The following MYO3A variants were observed in gnomAD, a reference collection of about 807,000 sequenced individuals.
MYO3A encodes the protein myosin IIIA, also known as myosin-IIIa.
MYO3A carries 180 observed loss-of-function variants against 192.7 expected under a neutral mutation model. The observed-to-expected ratio is 0.93, with a 90% confidence interval of 0.83 to 1.06. The LOEUF is 1.06. MYO3A is among the 50% of genes least tolerant of loss of function. The probability of loss-of-function intolerance (pLI) is 0.00; values close to 1 mark genes in which losing one functional copy is unlikely to be tolerated. For synonymous variants in MYO3A, 628 were observed against 645.3 expected (o/e 0.97, Z 0.41); for missense variants, 1,896 against 1,905.0 (o/e 1.00, Z 0.09).
At chr10:25,944,396 A>G (rs1417708819) in intron 2 of MYO3A, among the ~76,000 whole-genome samples, 1 of 151,960 alleles carries the variant, frequency 6.6e-6, no homozygotes, top group Non-Finnish European at 1.5e-5. Context: ...TGGTGTCAGG[A>G]TAATGCTGGC....
intron 32 of MYO3A, among the ~76,000 whole-genome samples, chr10:26,194,912 C>A (rs1843332166): frequency 6.6e-6 from 1 of 152,198 alleles, no homozygotes; most frequent in Non-Finnish European, 1.5e-5. Flanking sequence ...TATATACACA[C>A]ACATACACAT....
intron 31 of MYO3A, among the ~76,000 whole-genome samples, chr10:26,178,626 A>G (rs1201041093): frequency 6.6e-6 from 1 of 151,936 alleles, no homozygotes; most frequent in Non-Finnish European, 1.5e-5. Context: ...GTGGGATTTC[A>G]TAACATCTAA....
chr10:26,069,249 T>A (rs993317222), intron 12 of MYO3A, among the ~76,000 whole-genome samples: 1 of 152,082 alleles, frequency 6.6e-6, no homozygotes, highest in Admixed American at 6.6e-5. Context: ...GTCAAAAGTA[T>A]AATTACATTG....
At chr10:26,102,039 A>C (rs142237742) in intron 17 of MYO3A, among the ~76,000 whole-genome samples, 4,496 of 152,278 alleles carry the variant, frequency 0.03, 217 homozygotes, top group African/African-American at 0.1. Flanking sequence ...TACACCAATC[A>C]GACGTAGATT....
intron 2 of MYO3A, among the ~76,000 whole-genome samples, chr10:25,948,093 T>TAAGA (rs976526810): frequency 3.9e-5 from 6 of 152,146 alleles, no homozygotes; most frequent in African/African-American, 1.2e-4. Flanking sequence ...ATGGCTGATG[T>TAAGA]AAGACTTGAA....
chr10:26,072,533 A>T (rs988314599), intron 14 of MYO3A, among the ~76,000 whole-genome samples: 1 of 152,162 alleles, frequency 6.6e-6, no homozygotes, highest in Non-Finnish European at 1.5e-5. Context: ...AGCAATAATG[A>T]TGAATGTGGG....
intron 29 of MYO3A, among the ~76,000 whole-genome samples, chr10:26,171,952 T>C (rs1449089932): frequency 2.6e-5 from 4 of 152,198 alleles, no homozygotes; most frequent in Admixed American, 6.5e-5. Context: ...CAGATACTTA[T>C]TAAGAATCTA....
intron 17 of MYO3A, among the ~76,000 whole-genome samples, chr10:26,113,715 G>A (rs1838334320): frequency 6.6e-6 from 1 of 152,104 alleles, no homozygotes; most frequent in Admixed American, 6.6e-5. Context: ...TTCTGTGCTA[G>A]GGAGTCAAGA....
chr10:26,064,463 C>T (rs1449929887), intron 10 of MYO3A, among the ~76,000 whole-genome samples: 2 of 152,052 alleles, frequency 1.3e-5, no homozygotes, highest in East Asian at 1.9e-4. Flanking sequence ...ATCATATGGG[C>T]CTTGTAGGCC....
chr10:26,147,603 A>C, intron 23 of MYO3A, 44 bp downstream of exon 23: 1 of 1,612,972 alleles, frequency 6.2e-7, no homozygotes, highest in Non-Finnish European at 8.5e-7. Context: ...AAGCCCAATC[A>C]AATAGTTTCT....
At position 26,024,013 on chromosome 10, in the gene MYO3A, T is replaced by G. The variant is rs779339126; in HGVS notation, c.732-9T>G. Reference sequence around the variant, plus strand: ...ATACAGAATCCAACATTGATTCTTATTTTTCTAGGAATCCACCCCCAAAAC... The same window carrying G: ...ATACAGAATCCAACATTGATTCTTAGTTTTCTAGGAATCCACCCCCAAAAC... On this transcript the variant is annotated splice_polypyrimidine_tract_variant and intron_variant, in intron 8 of 34. Coordinates refer to ENST00000642920, the MANE Select transcript of MYO3A (RefSeq NM_017433.5). The G allele has an allele frequency of 6.2e-7, 1 of 1,610,618 alleles. No individual in the cohort carries two copies. The highest frequency in any genetic ancestry group is 1.3e-5 in the African/African-American group (1 of 74,844).
At chr10:26,107,050 T>C (rs899763140) in intron 17 of MYO3A, among the ~76,000 whole-genome samples, 1 of 152,134 alleles carries the variant, frequency 6.6e-6, no homozygotes, top group African/African-American at 2.4e-5. Context: ...AGAAGCACCT[T>C]GACACACATA....
At chr10:26,024,804 T>C (rs1442549624) in intron 9 of MYO3A, among the ~76,000 whole-genome samples, 2 of 152,202 alleles carry the variant, frequency 1.3e-5, no homozygotes, top group Non-Finnish European at 2.9e-5. Flanking sequence ...CTGAGAAACA[T>C]TTCCTGGTTT....
chr10:26,142,262 GT>G (rs1840207916), intron 20 of MYO3A, among the ~76,000 whole-genome samples: 1 of 152,224 alleles, frequency 6.6e-6, no homozygotes, highest in Non-Finnish European at 1.5e-5. Flanking sequence ...CCCAGGAATG[GT>G]TGCTTATCAC....
At chr10:26,031,770 T>C (rs747672323) in intron 10 of MYO3A, among the ~76,000 whole-genome samples, 2 of 152,244 alleles carry the variant, frequency 1.3e-5, no homozygotes, top group Non-Finnish European at 2.9e-5. Context: ...GTAGCTGAGC[T>C]TACTTGCACA....
intron 31 of MYO3A, among the ~76,000 whole-genome samples, chr10:26,182,278 A>G (rs997210772): frequency 6.6e-6 from 1 of 152,194 alleles, no homozygotes; most frequent in Non-Finnish European, 1.5e-5. Flanking sequence ...ACATGTGGTA[A>G]GACTAGAGTG....
intron 4 of MYO3A, among the ~76,000 whole-genome samples, chr10:25,989,754 AATTC>A (rs1839895747): frequency 6.6e-6 from 1 of 152,178 alleles, no homozygotes; most frequent in South Asian, 2.1e-4. Context: ...TGCATGAGAA[AATTC>A]ATTCAGTTTT....
At chr10:26,039,207 A>AT (rs34416918) in intron 10 of MYO3A, among the ~76,000 whole-genome samples, 13,838 of 106,720 alleles carry the variant, frequency 0.13, 1,252 homozygotes, top group African/African-American at 0.25. Flanking sequence ...GGCTCGGCTA[A>AT]TTTTTTTTTT....
intron 14 of MYO3A, among the ~76,000 whole-genome samples, chr10:26,079,475 G>A (rs947961287): frequency 6.6e-6 from 1 of 152,124 alleles, no homozygotes; most frequent in African/African-American, 2.4e-5. Flanking sequence ...CTTTTAAGTG[G>A]AGCCTTTAGG....
Sources: gnomAD v4.1 joint callset for allele counts (sites outside exome capture counted in the v4.1 genomes callset) on GRCh38, gnomAD v4.1.1 for gene constraint, MANE v1.5 for transcripts, NCBI Gene and HGNC (gene_info 2026-07-23, HGNC 2026-07-21) for gene names.